Variants in SPIN1 observed in about 807,000 individuals in gnomAD.
The protein encoded by SPIN1 is spindlin 1, also known as spindlin-1.
Under a neutral mutation model 26.0 loss-of-function variants are expected in SPIN1, and 3 were observed. The ratio of observed to expected loss-of-function variants is 0.12; its 90% CI spans 0.05 to 0.30. The LOEUF (loss-of-function observed/expected upper bound fraction) is 0.30. Ranked by LOEUF, SPIN1 falls within the 10% of genes least tolerant of loss-of-function variation. The probability of loss-of-function intolerance (pLI) is 1.00; values close to 1 mark genes in which losing one functional copy is unlikely to be tolerated. For missense variants in SPIN1, 126 were observed against 333.4 expected (o/e 0.38, Z 4.84); for synonymous variants, 101 against 116.5 (o/e 0.87, Z 0.86).
intron 1 of SPIN1, among the ~76,000 whole-genome samples, chr9:88,407,449 T>G (rs1042668310): frequency 1.3e-5 from 2 of 151,908 alleles, no homozygotes; most frequent in African/African-American, 2.4e-5. Context: ...CATCTTCCTT[T>G]TTGAAGGATA....
intron 5 of SPIN1, among the ~76,000 whole-genome samples, chr9:88,470,839 C>T (rs978385156): frequency 5.6e-4 from 85 of 152,304 alleles, no homozygotes; most frequent in Non-Finnish European, 1.0e-4. Flanking sequence ...AAGGATCCAC[C>T]TGCCTTGGCC....
chr9:88,392,038 G>A (rs193055056), intron 1 of SPIN1, among the ~76,000 whole-genome samples: 90 of 152,264 alleles, frequency 5.9e-4, no homozygotes, highest in African/African-American at 2.2e-3. Context: ...TATAAACTGG[G>A]ATAAAACCTA....
intron 4 of SPIN1, among the ~76,000 whole-genome samples, chr9:88,467,040 ATTGTTTGTTTGT>A (rs140242427): frequency 6.6e-6 from 1 of 151,814 alleles, no homozygotes; most frequent in East Asian, 1.9e-4. Context: ...CTTGTCTCTA[ATTGTTTGTTTGT>A]TTGTTTGTTT....
At chr9:88,409,098 A>G (rs1827380522) in intron 1 of SPIN1, among the ~76,000 whole-genome samples, 1 of 150,382 alleles carries the variant, frequency 6.6e-6, no homozygotes, top group Non-Finnish European at 1.5e-5. Context: ...TGGGTTCAAG[A>G]GATTCTCTTG....
rs980559065 is a variant in SPIN1, at chr9:88,475,770, C to T, written c.*493C>T. 1.3e-5 allele frequency: 2 copies of T among 152,544 alleles called. No individual in the cohort carries two copies. The highest frequency in any genetic ancestry group is 4.8e-5 in the African/African-American group (2 of 41,412). The allele number at this position is 152,544 out of a possible 1,614,324, so 9.4% of individuals were successfully genotyped here. A position where few individuals can be genotyped will look rare whatever the true frequency, so the allele number is the denominator to read the frequency against. The stretch of plus-strand genomic sequence containing the variant: ...ACACCACACACACCCCACTGGCAGT[C>T]TTTGTGGATTAGGATGGGGGTGACA... On this transcript the variant is annotated 3_prime_UTR_variant, in exon 6 of 6. Coordinates refer to ENST00000375859, the MANE Select transcript of SPIN1 (RefSeq NM_006717.3).
intron 5 of SPIN1, among the ~76,000 whole-genome samples, chr9:88,474,558 TCA>T (rs1397852673): frequency 6.6e-6 from 1 of 152,218 alleles, no homozygotes; most frequent in Non-Finnish European, 1.5e-5. Flanking sequence ...CTTTAAGGAT[TCA>T]CAGAGTAAAA....
chr9:88,470,408 G>A (rs960985104), intron 5 of SPIN1, among the ~76,000 whole-genome samples: 6 of 152,068 alleles, frequency 3.9e-5, no homozygotes, highest in African/African-American at 7.2e-5. Context: ...TTTTAAAAAC[G>A]GAAATACCAC....
chr9:88,391,236 T>C (rs566453157), intron 1 of SPIN1: 1 of 152,288 alleles, frequency 6.6e-6, no homozygotes, highest in African/African-American at 2.4e-5. Flanking sequence ...AATGAAAATA[T>C]ACCCAAAAAA....
chr9:88,396,113 G>C (rs1226824209), intron 1 of SPIN1, among the ~76,000 whole-genome samples: 1 of 150,884 alleles, frequency 6.6e-6, no homozygotes, highest in East Asian at 1.9e-4. Flanking sequence ...GCCAGGCATG[G>C]TGGCCTGCGC....
chr9:88,425,175 G>A (rs1413600315), intron 1 of SPIN1, among the ~76,000 whole-genome samples: 2 of 152,014 alleles, frequency 1.3e-5, no homozygotes, highest in Non-Finnish European at 2.9e-5. Flanking sequence ...AGAGTAATAG[G>A]GGCCCATTAG....
chr9:88,407,928 ATTT>A (rs1827344453), intron 1 of SPIN1, among the ~76,000 whole-genome samples: 1 of 151,486 alleles, frequency 6.6e-6, no homozygotes, highest in African/African-American at 2.4e-5. Flanking sequence ...ATGCTTGGCT[ATTT>A]TTTGTGGTTT....
At chr9:88,439,245 A>C (rs1196928618) in intron 2 of SPIN1, among the ~76,000 whole-genome samples, 2 of 152,188 alleles carry the variant, frequency 1.3e-5, no homozygotes, top group African/African-American at 4.8e-5. Flanking sequence ...TTTACTGTTA[A>C]GAACTTATGT....
chr9:88,470,930 T>C (rs1828771007), intron 5 of SPIN1, among the ~76,000 whole-genome samples: 1 of 152,206 alleles, frequency 6.6e-6, no homozygotes, highest in Non-Finnish European at 1.5e-5. Flanking sequence ...GTGAAATGTC[T>C]ATTCATATCC....
chr9:88,464,599 T>C (rs752648717), intron 4 of SPIN1, among the ~76,000 whole-genome samples: 1 of 152,186 alleles, frequency 6.6e-6, no homozygotes, highest in East Asian at 1.9e-4. Context: ...CACTCTCTCT[T>C]TTTCTCAATT....
chr9:88,431,022 A>G (rs1326426828), intron 2 of SPIN1, among the ~76,000 whole-genome samples: 1 of 151,490 alleles, frequency 6.6e-6, no homozygotes, highest in Non-Finnish European at 1.5e-5. Flanking sequence ...GGCTGGGATT[A>G]CAGGCATGCA....
chr9:88,455,696 G>C (rs1828456578), intron 3 of SPIN1, among the ~76,000 whole-genome samples: 1 of 152,116 alleles, frequency 6.6e-6, no homozygotes, highest in African/African-American at 2.4e-5. Flanking sequence ...AAGTTTTTAA[G>C]ACTGGGTACA....
At chr9:88,473,426 T>C (rs977205240) in intron 5 of SPIN1, among the ~76,000 whole-genome samples, 4 of 152,032 alleles carry the variant, frequency 2.6e-5, no homozygotes, top group African/African-American at 7.3e-5. Context: ...ACATTTGTTA[T>C]AAAGGGGTAA....
intron 5 of SPIN1, among the ~76,000 whole-genome samples, 165 bp downstream of exon 5, chr9:88,468,770 A>G (rs1828720364): frequency 6.6e-6 from 1 of 152,172 alleles, no homozygotes; most frequent in Admixed American, 6.5e-5. Context: ...CAGTTGTTAT[A>G]AATGTTAGAT....
intron 2 of SPIN1, among the ~76,000 whole-genome samples, chr9:88,431,414 C>T (rs1827868116): frequency 6.6e-6 from 1 of 151,582 alleles, no homozygotes; most frequent in South Asian, 2.1e-4. Flanking sequence ...CCTTAGTCTC[C>T]CTAGTAGCTG....
Sources: gnomAD v4.1 joint callset for allele counts (sites outside exome capture counted in the v4.1 genomes callset) on GRCh38, gnomAD v4.1.1 for gene constraint, MANE v1.5 for transcripts, NCBI Gene and HGNC (gene_info 2026-07-23, HGNC 2026-07-21) for gene names.